The following TMEM132B variants were observed in gnomAD, a reference collection of about 807,000 sequenced individuals.
TMEM132B encodes transmembrane protein 132B.
Under a neutral mutation model 90.8 loss-of-function variants are expected in TMEM132B, and 18 were observed. The observed-to-expected ratio is 0.20, with a 90% confidence interval of 0.14 to 0.29. The LOEUF (loss-of-function observed/expected upper bound fraction) is 0.29. Ranked by LOEUF, TMEM132B falls within the 10% of genes least tolerant of loss-of-function variation. The probability of loss-of-function intolerance (pLI) is 1.00; values close to 1 mark genes in which losing one functional copy is unlikely to be tolerated. For synonymous variants in TMEM132B, 504 were observed against 523.3 expected, an observed-to-expected ratio of 0.96 and a Z score of 0.50; for missense variants, 1,096 against 1,326.8, an observed-to-expected ratio of 0.83 and a Z score of 2.70.
At chr12:125,520,969 A>G (rs971482954) in intron 4 of TMEM132B, among the ~76,000 whole-genome samples, 9 of 152,186 alleles carry the variant, frequency 5.9e-5, no homozygotes, top group African/African-American at 1.9e-4. Context: ...AAGGCAGCCA[A>G]TCTAGACGGG....
At chr12:125,333,435 C>T (rs1223528044) in intron 1 of TMEM132B, among the ~76,000 whole-genome samples, 1 of 152,198 alleles carries the variant, frequency 6.6e-6, no homozygotes, top group Non-Finnish European at 1.5e-5. Flanking sequence ...CTACATACGG[C>T]AAATAGAATT....
In TMEM132B at chr12:125,213,237, G is replaced by A. The variant is rs1355950519; in HGVS notation, c.67+26371G>A. On this transcript the variant is annotated intron_variant, in intron 1 of 8. Coordinates refer to ENST00000682704, the MANE Select transcript of TMEM132B (RefSeq NM_001366854.1). This position sits in a 1 kb window ranked among gnomAD's most constrained non-coding sequence, Gnocchi z 4.2. ...GGTTTTAAGGTTCATCCACGTTGTA[G>A]CCTGTGTCAGTGCTATGCTCCTTTT... Among the ~76,000 whole-genome samples, 1 of 152,200 alleles carries A rather than the reference G, an allele frequency of 6.6e-6. No homozygotes were observed. Among genetic ancestry groups the A allele is most frequent in the Non-Finnish European group, 1.5e-5 (1 of 68,036 alleles).
intron 5 of TMEM132B, among the ~76,000 whole-genome samples, chr12:125,605,313 T>C (rs773570738): frequency 6.6e-6 from 1 of 152,214 alleles, no homozygotes; most frequent in Non-Finnish European, 1.5e-5. Flanking sequence ...TTGGTACTGA[T>C]TGGACAGTTA....
intron 2 of TMEM132B, among the ~76,000 whole-genome samples, chr12:125,388,170 A>C (rs1284388214): frequency 6.6e-6 from 1 of 152,186 alleles, no homozygotes; most frequent in African/African-American, 2.4e-5. Context: ...GCTCACTCCT[A>C]TAATCCCGGC....
rs1226792833 is a variant in TMEM132B, at chr12:125,492,170, T to C, written c.1107-27269T>C. 6.6e-6 allele frequency among the ~76,000 whole-genome samples: 1 copy of C among 152,146 alleles called. No individual in the cohort carries two copies. The highest frequency in any genetic ancestry group is 2.1e-4 in the South Asian group (1 of 4,820). On this transcript the variant is annotated intron_variant, in intron 3 of 8. Coordinates refer to ENST00000682704, the MANE Select transcript of TMEM132B (RefSeq NM_001366854.1). This position sits in a 1 kb window ranked among gnomAD's most constrained non-coding sequence, Gnocchi z 5.8. ...CCCTGCTGCCCGCCCCCACCGCTCCTCACCTTGCAGAAATGGGGTACTGGG... is the reference window on the plus strand; with the variant it reads ...CCCTGCTGCCCGCCCCCACCGCTCCCCACCTTGCAGAAATGGGGTACTGGG...
rs1478944520 is a variant in TMEM132B, at chr12:125,432,517, A to ATGTATGTG, written c.1106+16841_1106+16842insGTATGTGT. On this transcript the variant is annotated intron_variant, in intron 3 of 8. Coordinates refer to ENST00000682704, the MANE Select transcript of TMEM132B (RefSeq NM_001366854.1). ...TGTATATATATGTGTGTGTGTATAT[A>ATGTATGTG]TATATATATATAGAGAGAGAGAGAG... Among the ~76,000 whole-genome samples the ATGTATGTG allele has an allele frequency of 1.2e-3, 90 of 75,440 alleles. 8 individuals carry two copies. The highest frequency in any genetic ancestry group is 3.2e-3 in the East Asian group (9 of 2,820). 49.5% of individuals were successfully genotyped at this position (75,440 alleles called of 152,430 possible). A position where few individuals can be genotyped will look rare whatever the true frequency, so the allele number is the denominator to read the frequency against.
At chr12:125,476,499 A>G (rs937867119) in intron 3 of TMEM132B, among the ~76,000 whole-genome samples, 1 of 152,218 alleles carries the variant, frequency 6.6e-6, no homozygotes, top group African/African-American at 2.4e-5. Flanking sequence ...ATAACAGTCC[A>G]TTGTATGGAT....
intron 1 of TMEM132B, among the ~76,000 whole-genome samples, chr12:125,291,488 AG>A (rs1875538928): frequency 6.6e-6 from 1 of 152,180 alleles, no homozygotes; most frequent in Admixed American, 6.5e-5. Flanking sequence ...CTGAAGATGG[AG>A]GGGGCATGTC....
At chr12:125,491,937 C>A (rs557868028) in intron 3 of TMEM132B, among the ~76,000 whole-genome samples, 1 of 152,254 alleles carries the variant, frequency 6.6e-6, no homozygotes, top group African/African-American at 2.4e-5. Context: ...ATGGAAATGC[C>A]GATATCCTTC....
chr12:125,546,456 A>G (rs1476746367), intron 4 of TMEM132B, among the ~76,000 whole-genome samples: 1 of 152,234 alleles, frequency 6.6e-6, no homozygotes, highest in Non-Finnish European at 1.5e-5. Flanking sequence ...TGCTGGGATT[A>G]CAGGCATGAG....
intron 3 of TMEM132B, among the ~76,000 whole-genome samples, chr12:125,438,476 A>T (rs1282256086): frequency 1.3e-5 from 2 of 152,230 alleles, no homozygotes; most frequent in Non-Finnish European, 2.9e-5. Context: ...CTTTAAAGGG[A>T]CAAGTTGTTT....
intron 1 of TMEM132B, among the ~76,000 whole-genome samples, chr12:125,333,241 A>G (rs1205707001): frequency 6.6e-6 from 1 of 152,122 alleles, no homozygotes; most frequent in Non-Finnish European, 1.5e-5. Context: ...CCTTTCTCTT[A>G]TAAGGACGTC....
chr12:125,326,670 G>C lies in TMEM132B; in HGVS notation c.68-22782G>C, dbSNP rs746140627. The C allele has an allele frequency of 2.6e-5, 42 of 1,606,634 alleles. No individual in the cohort carries two copies. The Middle Eastern group carries it at 8.2e-4, about 31-fold the overall frequency. ...ATGGACACCACTGCTGTCTGCACCGGGGGAGGTCGGAAGGAAGGGAATGGC... is the reference window on the plus strand; with the variant it reads ...ATGGACACCACTGCTGTCTGCACCGCGGGAGGTCGGAAGGAAGGGAATGGC... On this transcript the variant is annotated intron_variant, in intron 1 of 8. Coordinates refer to ENST00000682704, the MANE Select transcript of TMEM132B (RefSeq NM_001366854.1).
intron 1 of TMEM132B, among the ~76,000 whole-genome samples, chr12:125,256,080 C>T (rs1340204229): frequency 2.0e-5 from 3 of 152,092 alleles, no homozygotes; most frequent in Admixed American, 6.6e-5. Context: ...TCAGTGCGTT[C>T]ATGTCCTGGC....
chr12:125,601,013 T>C (rs931436880), intron 5 of TMEM132B, among the ~76,000 whole-genome samples: 5 of 152,136 alleles, frequency 3.3e-5, no homozygotes, highest in Non-Finnish European at 5.9e-5. Context: ...CACACAATAA[T>C]AGTGGGAGAC....
chr12:125,496,816 C>T (rs1444266076), intron 3 of TMEM132B, among the ~76,000 whole-genome samples: 1 of 152,216 alleles, frequency 6.6e-6, no homozygotes, highest in Admixed American at 6.5e-5. Context: ...TTCTGTAGGC[C>T]TTGCGAGGAC....
At chr12:125,442,904 G>C (rs1280929921) in intron 3 of TMEM132B, among the ~76,000 whole-genome samples, 1 of 152,214 alleles carries the variant, frequency 6.6e-6, no homozygotes, top group African/African-American at 2.4e-5. Context: ...GTTGCCCCTG[G>C]TCGCTAGTCG....
intron 5 of TMEM132B, among the ~76,000 whole-genome samples, chr12:125,640,995 T>C (rs1426535995): frequency 2.0e-5 from 3 of 151,794 alleles, no homozygotes; most frequent in African/African-American, 4.8e-5. Flanking sequence ...AAAAGAAATA[T>C]TGAAGTTTGG....
chr12:125,597,048 C>T (rs529659251), intron 5 of TMEM132B, among the ~76,000 whole-genome samples: 1 of 152,254 alleles, frequency 6.6e-6, no homozygotes, highest in East Asian at 1.9e-4. Context: ...ATGGCTCTGG[C>T]TGGGAGAGAT....
Sources: allele counts gnomAD v4.1 joint callset (sites outside exome capture counted in the v4.1 genomes callset), GRCh38; gene constraint gnomAD v4.1.1; non-coding constraint Gnocchi (gnomAD v3.1); transcripts MANE v1.5; gene names NCBI Gene and HGNC (gene_info 2026-07-23, HGNC 2026-07-21).